DYM: variants seen among roughly 807,000 people sequenced by gnomAD.
The protein encoded by DYM is dymeclin, also known as dyggve-Melchior-Clausen syndrome protein.
A neutral mutation model predicts 93.1 loss-of-function variants in DYM; 78 were observed. The observed-to-expected ratio is 0.84, with a 90% confidence interval of 0.70 to 1.01. DYM has a LOEUF of 1.01. Ranked by LOEUF, DYM falls within the 50% of genes least tolerant of loss-of-function variation. DYM has a pLI of 0.00. For missense variants in DYM, 789 were observed against 845.0 expected, an observed-to-expected ratio of 0.93 and a Z score of 0.82; for synonymous variants, 321 against 319.7, an observed-to-expected ratio of 1.00 and a Z score of -0.04.
rs140654336 is a variant in DYM, at chr18:49,067,524, G to A, written c.2026-23320C>T. 2.4e-3 allele frequency among the ~76,000 whole-genome samples: 365 copies of A among 151,802 alleles called. 2 individuals carry two copies. Among genetic ancestry groups the A allele is most frequent in the Non-Finnish European group, 3.9e-3 (266 of 67,748 alleles). On this transcript the variant is annotated intron_variant, in intron 17 of 17. Transcript: ENST00000675505. The stretch of plus-strand genomic sequence containing the variant: ...GGAAGTTTAGTAGGGAAGGAGTGGG[G>A]TGATGTGTGAAAATCTTGGGGAGAA...
intron 6 of DYM, among the ~76,000 whole-genome samples, chr18:49,352,476 G>A (rs915801058): frequency 6.6e-6 from 1 of 152,136 alleles, no homozygotes; most frequent in South Asian, 2.1e-4. Flanking sequence ...ACTTACATGG[G>A]AAAGTAGATC....
intron 15 of DYM, among the ~76,000 whole-genome samples, chr18:49,143,135 A>C (rs1026119774): frequency 6.6e-6 from 1 of 152,230 alleles, no homozygotes; most frequent in African/African-American, 2.4e-5. Flanking sequence ...TATAATTATT[A>C]ATATTCAATC....
intron 16 of DYM, among the ~76,000 whole-genome samples, chr18:49,099,473 A>C (rs2079904907): frequency 6.6e-6 from 1 of 152,194 alleles, no homozygotes; most frequent in Non-Finnish European, 1.5e-5. Context: ...CAAGTAAAAA[A>C]ATGAGGATGT....
intron 2 of DYM, among the ~76,000 whole-genome samples, chr18:49,409,162 T>C (rs979919320): frequency 1.3e-5 from 2 of 151,426 alleles, no homozygotes; most frequent in South Asian, 2.1e-4. Flanking sequence ...CTCACACTTG[T>C]AGTCCCAGCT....
intron 2 of DYM, among the ~76,000 whole-genome samples, chr18:49,404,096 C>T (rs1042935596): frequency 2.0e-5 from 3 of 152,132 alleles, no homozygotes; most frequent in Non-Finnish European, 4.4e-5. Flanking sequence ...CAACCTCCGC[C>T]TCCCGGATTC....
At chr18:49,347,352 T>C (rs546893564) in intron 6 of DYM, among the ~76,000 whole-genome samples, 21 of 152,300 alleles carry the variant, frequency 1.4e-4, no homozygotes, top group Non-Finnish European at 2.8e-4. Flanking sequence ...ATCATCTATA[T>C]AAAAATTAAG....
At chr18:49,308,388 G>C (rs2061394971) in intron 8 of DYM, among the ~76,000 whole-genome samples, 1 of 152,028 alleles carries the variant, frequency 6.6e-6, no homozygotes. Flanking sequence ...CCTGGACCAT[G>C]GGTAACCTTA....
intron 2 of DYM, among the ~76,000 whole-genome samples, chr18:49,393,114 AAGGAAGGAAGGAAGGAAGGAAG>A (rs2069582891): frequency 1.7e-5 from 1 of 58,238 alleles, no homozygotes; most frequent in Non-Finnish European, 3.3e-5. Context: ...GGAAGGAAGG[AAGGAAGGAAGGAAGGAAGGAAG>A]GAAGGAAGGA....
chr18:49,036,656 ATCC>A lies in DYM; in HGVS notation c.*7396_*7398del. On this transcript the variant is annotated 3_prime_UTR_variant, in exon 18 of 18. Transcript: ENST00000675505. ...AGCCTCTACCTCCTGGGCTCAGGTA[ATCC>A]TCCTACCTTAGCCTCTCCAGTAGCT... is the stretch of plus-strand genomic sequence containing the variant. Among the ~76,000 whole-genome samples the A allele has an allele frequency of 1.3e-5, 2 of 152,020 alleles. No individual in the cohort carries two copies. The highest frequency in any genetic ancestry group is 3.4e-3 in the Middle Eastern group (1 of 294).
intron 17 of DYM, among the ~76,000 whole-genome samples, chr18:49,060,634 AGAGAGGGGGAGAGGGG>A (rs1279787387): frequency 1.0e-5 from 1 of 98,580 alleles, no homozygotes; most frequent in African/African-American, 3.9e-5. Context: ...GGGAGGGGGG[AGAGAGGGGGAGAGGGG>A]GAGAGGGGGA....
chr18:49,066,648 T>C (rs2076411015), intron 17 of DYM, among the ~76,000 whole-genome samples: 1 of 152,210 alleles, frequency 6.6e-6, no homozygotes, highest in South Asian at 2.1e-4. Flanking sequence ...AGAGTATGCA[T>C]ATACATCTGT....
At chr18:49,344,704 GA>G (rs1387910888) in intron 6 of DYM, among the ~76,000 whole-genome samples, 1,765 of 142,912 alleles carry the variant, frequency 0.012, 29 homozygotes, top group African/African-American at 0.042. Context: ...ACCTTTTGGG[GA>G]AAAAAAAAAA....
At chr18:49,205,889 T>A (rs2092449762) in intron 14 of DYM, 1 of 161,992 alleles carries the variant, frequency 6.2e-6, no homozygotes, top group African/African-American at 2.4e-5. Flanking sequence ...ACAGAAGTGC[T>A]CTCTTTCAGG....
chr18:49,324,577 T>C (rs1178277754), intron 8 of DYM, among the ~76,000 whole-genome samples: 2 of 152,212 alleles, frequency 1.3e-5, no homozygotes, highest in African/African-American at 2.4e-5. Flanking sequence ...GGAGAAAACA[T>C]GGCTGGCATA....
chr18:49,233,537 C>G (rs1222149628), intron 13 of DYM, among the ~76,000 whole-genome samples: 1 of 152,112 alleles, frequency 6.6e-6, no homozygotes, highest in Non-Finnish European at 1.5e-5. Context: ...TCTAACTTGC[C>G]TATGATGGTG....
intron 2 of DYM, among the ~76,000 whole-genome samples, chr18:49,402,700 T>C (rs992597846): frequency 5.3e-5 from 8 of 152,214 alleles, no homozygotes; most frequent in Non-Finnish European, 1.2e-4. Context: ...CTGCACCCAC[T>C]GGATTCATAG....
intron 15 of DYM, among the ~76,000 whole-genome samples, chr18:49,121,212 G>C (rs1381622895): frequency 1.3e-5 from 2 of 152,174 alleles, no homozygotes; most frequent in African/African-American, 4.8e-5. Context: ...GAGACAAATG[G>C]TAATGCTAGA....
At chr18:49,372,454 T>C (rs1170691997) in intron 5 of DYM, among the ~76,000 whole-genome samples, 1 of 152,124 alleles carries the variant, frequency 6.6e-6, no homozygotes, top group East Asian at 1.9e-4. Context: ...CTAAAGAACA[T>C]GTATAGGGCC....
intron 13 of DYM, among the ~76,000 whole-genome samples, chr18:49,213,003 A>C (rs2092857643): frequency 6.6e-6 from 1 of 152,212 alleles, no homozygotes; most frequent in Non-Finnish European, 1.5e-5. Flanking sequence ...AGTCACTGTT[A>C]CTTAAGAATT....
Sources: allele counts gnomAD v4.1 joint callset (sites outside exome capture counted in the v4.1 genomes callset), GRCh38; gene constraint gnomAD v4.1.1; transcripts MANE v1.5; gene names NCBI Gene and HGNC (gene_info 2026-07-23, HGNC 2026-07-21).